CSMD1: variants seen among roughly 807,000 people sequenced by gnomAD.
CSMD1 encodes the protein CUB and Sushi multiple domains 1, also known as CUB and sushi domain-containing protein 1.
In CSMD1, 213 loss-of-function variants were observed where a neutral mutation model predicts 417.5. The ratio of observed to expected loss-of-function variants is 0.51; its 90% CI spans 0.46 to 0.57. CSMD1 has a LOEUF of 0.57. Ranked by LOEUF, CSMD1 falls within the 20% of genes least tolerant of loss-of-function variation. The probability of loss-of-function intolerance (pLI) is 0.00; values close to 1 mark genes in which losing one functional copy is unlikely to be tolerated. For synonymous variants in CSMD1, 2,862 were observed against 1,736.8 expected, an observed-to-expected ratio of 1.65 and a Z score of -16.11; for missense variants, 6,923 against 4,529.7, an observed-to-expected ratio of 1.53 and a Z score of -15.17.
chr8:4,357,478 A>G (rs111744466), intron 3 of CSMD1, among the ~76,000 whole-genome samples: 11 of 152,260 alleles, frequency 7.2e-5, no homozygotes, highest in African/African-American at 2.6e-4. Flanking sequence ...CATCGCCCTC[A>G]CCAACATGGC....
At chr8:4,264,166 T>A (rs928124886) in intron 3 of CSMD1, among the ~76,000 whole-genome samples, 2 of 152,176 alleles carry the variant, frequency 1.3e-5, no homozygotes, top group Non-Finnish European at 2.9e-5. Flanking sequence ...TTGGGCACTA[T>A]GCAGAAGCTG....
chr8:4,752,618 C>G (rs187775967), intron 1 of CSMD1, among the ~76,000 whole-genome samples: 1 of 151,986 alleles, frequency 6.6e-6, no homozygotes, highest in Non-Finnish European at 1.5e-5. Flanking sequence ...TGTAGGGGAG[C>G]AAGAGAGAGG....
chr8:3,522,030 T>G (rs970462270), intron 10 of CSMD1, among the ~76,000 whole-genome samples: 1 of 152,242 alleles, frequency 6.6e-6, no homozygotes, highest in Non-Finnish European at 1.5e-5. Context: ...TCAATTACAT[T>G]AGAGTATTGC....
chr8:4,209,545 G>C (rs1013863179), intron 3 of CSMD1, among the ~76,000 whole-genome samples: 2 of 152,124 alleles, frequency 1.3e-5, no homozygotes, highest in Admixed American at 6.5e-5. Context: ...GAGATTCCTT[G>C]CTGCCATGCT....
intron 10 of CSMD1, among the ~76,000 whole-genome samples, chr8:3,525,395 G>C (rs888199174): frequency 3.3e-5 from 5 of 152,144 alleles, no homozygotes; most frequent in Non-Finnish European, 1.5e-5. Flanking sequence ...TTAATTTCAA[G>C]GTAATCATAG....
chr8:3,425,417 G>A (rs901025082), intron 12 of CSMD1, among the ~76,000 whole-genome samples: 2 of 151,800 alleles, frequency 1.3e-5, no homozygotes. Flanking sequence ...GTGAAACCCT[G>A]TCTCTACTAA....
chr8:3,752,800 T>C (rs779911132), intron 6 of CSMD1, among the ~76,000 whole-genome samples: 3 of 151,902 alleles, frequency 2.0e-5, no homozygotes, highest in Non-Finnish European at 4.4e-5. Flanking sequence ...TAAAGACTGC[T>C]GGTTCCGATG....
At chr8:4,592,233 C>G (rs1434857921) in intron 2 of CSMD1, among the ~76,000 whole-genome samples, 1 of 150,914 alleles carries the variant, frequency 6.6e-6, no homozygotes, top group Admixed American at 6.6e-5. Flanking sequence ...CTCTTATTAT[C>G]TTATCTAGTT....
At chr8:4,836,197 G>A (rs1344807471) in intron 1 of CSMD1, among the ~76,000 whole-genome samples, 2 of 152,112 alleles carry the variant, frequency 1.3e-5, no homozygotes, top group African/African-American at 2.4e-5. Context: ...ATTGATTCAG[G>A]CATTCATCTA....
chr8:4,104,413 C>CACAT (rs1177992450), intron 3 of CSMD1, among the ~76,000 whole-genome samples: 5 of 145,612 alleles, frequency 3.4e-5, no homozygotes, highest in African/African-American at 1.4e-4. Context: ...CACATGCACA[C>CACAT]GCACACACAC....
intron 5 of CSMD1, among the ~76,000 whole-genome samples, chr8:3,859,826 G>C (rs777187861): frequency 3.9e-5 from 6 of 152,206 alleles, no homozygotes; most frequent in Non-Finnish European, 2.9e-5. Context: ...ACAGGCAGGA[G>C]AAGCTGCACA....
chr8:4,640,046 C>A (rs1803098489), intron 1 of CSMD1, among the ~76,000 whole-genome samples: 1 of 152,134 alleles, frequency 6.6e-6, no homozygotes, highest in Admixed American at 6.5e-5. Flanking sequence ...AAAGAAAAAT[C>A]AGTTCAACAG....
chr8:3,664,754 T>A (rs539844080), intron 7 of CSMD1, among the ~76,000 whole-genome samples: 1 of 152,142 alleles, frequency 6.6e-6, no homozygotes, highest in Non-Finnish European at 1.5e-5. Context: ...CAGGTTAACA[T>A]TGAAAATAAA....
intron 7 of CSMD1, among the ~76,000 whole-genome samples, chr8:3,699,422 C>G (rs115723225): frequency 0.014 from 2,068 of 152,294 alleles, 44 homozygotes; most frequent in African/African-American, 0.047. Flanking sequence ...ACAGTTTTCT[C>G]TTAGCCAGTA....
chr8:4,451,920 G>T (rs1288459163), intron 2 of CSMD1, among the ~76,000 whole-genome samples: 1 of 149,658 alleles, frequency 6.7e-6, no homozygotes, highest in Non-Finnish European at 1.5e-5. Context: ...CCTGCCCAGA[G>T]ATGTAAAATT....
intron 3 of CSMD1, among the ~76,000 whole-genome samples, chr8:4,416,248 C>G (rs1796931361): frequency 6.6e-6 from 1 of 152,122 alleles, no homozygotes; most frequent in Admixed American, 6.5e-5. Context: ...ATGTACAAAA[C>G]TTCTATTTTC....
intron 3 of CSMD1, among the ~76,000 whole-genome samples, chr8:4,336,336 AG>A (rs1020436367): frequency 3.6e-4 from 55 of 152,244 alleles, no homozygotes; most frequent in African/African-American, 1.3e-3. Context: ...ATTTTTAGTT[AG>A]GAAGCAGGGA....
chr8:4,140,917 G>A (rs1803750604), intron 3 of CSMD1, among the ~76,000 whole-genome samples: 2 of 151,138 alleles, frequency 1.3e-5, no homozygotes, highest in Admixed American at 6.6e-5. Context: ...CCGACTTACT[G>A]CTAACAAAAA....
chr8:3,470,320 G>C (rs1585211794), intron 11 of CSMD1, among the ~76,000 whole-genome samples: 1 of 152,054 alleles, frequency 6.6e-6, no homozygotes, highest in East Asian at 1.9e-4. Flanking sequence ...ACACAAGTAG[G>C]GGATGATTAA....
Sources: allele counts gnomAD v4.1 joint callset (sites outside exome capture counted in the v4.1 genomes callset), GRCh38; gene constraint gnomAD v4.1.1; transcripts MANE v1.5; gene names NCBI Gene and HGNC (gene_info 2026-07-23, HGNC 2026-07-21).